Variants in STAU2 observed in about 807,000 individuals in gnomAD.
The protein encoded by STAU2 is staufen double-stranded RNA binding protein 2, also known as double-stranded RNA-binding protein Staufen homolog 2.
Under a neutral mutation model 65.9 loss-of-function variants are expected in STAU2, and 20 were observed. That is an observed-to-expected ratio of 0.30 (90% CI 0.21 to 0.44). The LOEUF (loss-of-function observed/expected upper bound fraction) is 0.44. STAU2 is among the 20% of genes least tolerant of loss of function. The probability of loss-of-function intolerance (pLI) is 1.00; values close to 1 mark genes in which losing one functional copy is unlikely to be tolerated. For synonymous variants in STAU2, 232 were observed against 233.9 expected (o/e 0.99, Z 0.07); for missense variants, 558 against 683.9 (o/e 0.82, Z 2.05).
chr8:73,720,053 G>A (rs1227594908), intron 3 of STAU2, among the ~76,000 whole-genome samples: 3 of 152,086 alleles, frequency 2.0e-5, no homozygotes, highest in Non-Finnish European at 4.4e-5. Flanking sequence ...AAAGCAAGAG[G>A]ATCACTTGAG....
intron 4 of STAU2, among the ~76,000 whole-genome samples, chr8:73,694,480 A>C (rs991498040): frequency 9.9e-5 from 15 of 152,204 alleles, no homozygotes; most frequent in African/African-American, 3.1e-4. Context: ...ACCACACACA[A>C]AGTATGTTCA....
intron 13 of STAU2, among the ~76,000 whole-genome samples, chr8:73,457,906 G>T (rs1455137542): frequency 6.6e-6 from 1 of 152,198 alleles, no homozygotes; most frequent in Non-Finnish European, 1.5e-5. Context: ...GTCTTGTGGA[G>T]GTGAATGGGG....
intron 3 of STAU2, among the ~76,000 whole-genome samples, chr8:73,717,622 T>TTTGTTGTTGTTGTTG (rs75469180): frequency 2.0e-5 from 3 of 150,056 alleles, no homozygotes; most frequent in African/African-American, 4.9e-5. Flanking sequence ...CTATTTGTCT[T>TTTGTTGTTGTTGTTG]TTGTTGTTGT....
intron 13 of STAU2, among the ~76,000 whole-genome samples, chr8:73,446,321 G>A (rs1027411863): frequency 2.0e-5 from 3 of 152,344 alleles, no homozygotes; most frequent in South Asian, 2.1e-4. Context: ...TAGACAGCAC[G>A]AGGGAGAGCC....
chr8:73,474,877 A>G (rs62508171), intron 13 of STAU2, among the ~76,000 whole-genome samples: 30,285 of 152,164 alleles, frequency 0.2, 3,526 homozygotes, highest in East Asian at 0.51. Context: ...CAACATAGCT[A>G]AAATCTAGAA....
chr8:73,633,185 C>A (rs1814229895), intron 6 of STAU2, among the ~76,000 whole-genome samples: 1 of 152,200 alleles, frequency 6.6e-6, no homozygotes, highest in Non-Finnish European at 1.5e-5. Flanking sequence ...CATGCAGTAA[C>A]TCATCTAATC....
At chr8:73,729,746 C>T (rs1431632672) in intron 3 of STAU2, among the ~76,000 whole-genome samples, 1 of 152,100 alleles carries the variant, frequency 6.6e-6, no homozygotes, top group Non-Finnish European at 1.5e-5. Context: ...GTTATATTTT[C>T]TGTTTCTTCT....
chr8:73,689,395 T>C (rs1417861242), intron 4 of STAU2, among the ~76,000 whole-genome samples: 4 of 152,232 alleles, frequency 2.6e-5, no homozygotes, highest in Non-Finnish European at 5.9e-5. Flanking sequence ...CCTTTCATCA[T>C]CTTTAGCTTG....
intron 13 of STAU2, among the ~76,000 whole-genome samples, chr8:73,516,684 G>A (rs921349795): frequency 1.3e-5 from 2 of 152,150 alleles, no homozygotes; most frequent in African/African-American, 4.8e-5. Flanking sequence ...ATTGCTAAGG[G>A]AGAGAAGGTT....
chr8:73,685,964 C>T (rs1157855406), intron 5 of STAU2, among the ~76,000 whole-genome samples: 2 of 152,120 alleles, frequency 1.3e-5, no homozygotes, highest in Non-Finnish European at 2.9e-5. Context: ...CCATAGAATA[C>T]TACTCAGCCA....
At chr8:73,462,849 C>A (rs1819443517) in intron 13 of STAU2, among the ~76,000 whole-genome samples, 2 of 152,076 alleles carry the variant, frequency 1.3e-5, no homozygotes, top group Admixed American at 1.3e-4. Flanking sequence ...AAAAAGACAA[C>A]TTCTTTGAGT....
intron 3 of STAU2, among the ~76,000 whole-genome samples, chr8:73,722,317 AT>A (rs1226275356): frequency 6.6e-6 from 1 of 152,214 alleles, no homozygotes; most frequent in Non-Finnish European, 1.5e-5. Context: ...AAGAAAAAAA[AT>A]CTCATGTATT....
At chr8:73,638,765 A>C (rs1411388813) in intron 6 of STAU2, among the ~76,000 whole-genome samples, 1 of 152,038 alleles carries the variant, frequency 6.6e-6, no homozygotes, top group Non-Finnish European at 1.5e-5. Flanking sequence ...ATTCCATAAG[A>C]AGATGCCACA....
chr8:73,431,828 A>G (rs1236132468), intron 13 of STAU2, among the ~76,000 whole-genome samples: 2 of 152,196 alleles, frequency 1.3e-5, no homozygotes, highest in Non-Finnish European at 2.9e-5. Context: ...CCTGTTGTCA[A>G]TTAGCAATTT....
At chr8:73,553,535 A>C (rs1384792953) in intron 12 of STAU2, among the ~76,000 whole-genome samples, 1 of 152,190 alleles carries the variant, frequency 6.6e-6, no homozygotes, top group African/African-American at 2.4e-5. Flanking sequence ...AAGAACAAAA[A>C]TCTATTCGAC....
intron 3 of STAU2, among the ~76,000 whole-genome samples, chr8:73,727,496 C>T (rs1040758303): frequency 2.6e-5 from 4 of 152,188 alleles, no homozygotes; most frequent in Non-Finnish European, 4.4e-5. Context: ...TGTGTGTCTT[C>T]TTTCACTTAA....
intron 7 of STAU2, 57 bp downstream of exon 7, chr8:73,617,235 G>C: frequency 1.3e-6 from 2 of 1,581,558 alleles, no homozygotes; most frequent in Non-Finnish European, 1.7e-6. Flanking sequence ...AAAATGCTCT[G>C]ATTTGTTTCA....
At chr8:73,489,833 A>C (rs757898368) in intron 13 of STAU2, among the ~76,000 whole-genome samples, 40 of 152,082 alleles carry the variant, frequency 2.6e-4, no homozygotes, top group Non-Finnish European at 3.7e-4. Flanking sequence ...GTTTCTTAGG[A>C]GCATTAACAT....
At chr8:73,697,780 T>C (rs1448291062) in intron 4 of STAU2, among the ~76,000 whole-genome samples, 1 of 152,156 alleles carries the variant, frequency 6.6e-6, no homozygotes, top group East Asian at 1.9e-4. Context: ...AAATAATGCG[T>C]TATAAGTATT....
Sources: gnomAD v4.1 joint callset for allele counts (sites outside exome capture counted in the v4.1 genomes callset) on GRCh38, gnomAD v4.1.1 for gene constraint, MANE v1.5 for transcripts, NCBI Gene and HGNC (gene_info 2026-07-23, HGNC 2026-07-21) for gene names.